The following DNASE1 variants were observed in gnomAD, a reference collection of about 807,000 sequenced individuals.
The protein encoded by DNASE1 is deoxyribonuclease 1.
In DNASE1, 40 loss-of-function variants were observed where a neutral mutation model predicts 33.9. The ratio of observed to expected loss-of-function variants is 1.18; its 90% CI spans 0.92 to 1.54. DNASE1 has a LOEUF of 1.54. DNASE1 is among the 40% of genes most tolerant of loss of function. DNASE1 has a pLI of 0.00. For synonymous variants in DNASE1, 216 were observed against 160.0 expected, an observed-to-expected ratio of 1.35 and a Z score of -2.64; for missense variants, 518 against 372.6, an observed-to-expected ratio of 1.39 and a Z score of -3.21.
rs150621329 is a variant in DNASE1, at chr16:3,656,715, G to T, written c.398G>T (p.Arg133Leu). 141 of 1,612,530 alleles carry T rather than the reference G, an allele frequency of 8.7e-5. No homozygotes were observed. Among genetic ancestry groups the T allele is most frequent in the Non-Finnish European group, 1.2e-4 (139 of 1,179,430 alleles). ...CEPCGNDTFN[R>L]EPAIVRFFSR... is the part of the protein sequence containing the mutation. The stretch of plus-strand genomic sequence containing the variant: ...CCCTGCGGGAACGACACCTTCAACC[G>T]AGAGCCAGCCATTGTCAGGTTCTTC... Residue 133 changes from arginine to leucine, a missense_variant, in exon 5 of 9, where the codon CGA becomes CTA. Transcript: ENST00000246949.
downstream of DNASE1, chr16:3,662,073 G>C (rs1053655086): frequency 2.5e-6 from 4 of 1,613,218 alleles, no homozygotes; most frequent in African/African-American, 2.7e-5. Context: ...GGAAGTGGCG[G>C]GCAGCCCCCA....
At chr16:3,654,188 C>A, upstream of DNASE1, 1 of 396,304 alleles carries the variant, frequency 2.5e-6, no homozygotes, top group Non-Finnish European at 4.4e-6. Context: ...CTGCCCTGCC[C>A]TTGTGACCTG....
chr16:3,649,317 C>T (rs1232266124), intron 1 of DNASE1, among the ~76,000 whole-genome samples: 1 of 152,210 alleles, frequency 6.6e-6, no homozygotes, highest in Non-Finnish European at 1.5e-5. Flanking sequence ...GTCCTTTTTG[C>T]ATAGGAAAGG....
exon 10 of DNASE1, chr16:3,663,820 TC>T: frequency 2.1e-6 from 1 of 481,360 alleles, no homozygotes; most frequent in Non-Finnish European, 3.7e-6. Context: ...ACGCCTGTAA[TC>T]CCAGCACTTT....
Position 3,656,993 on chromosome 16 carries a change from C to G in DNASE1, c.437-6C>G. 2 of 1,613,244 alleles carry G rather than the reference C, an allele frequency of 1.2e-6. No homozygotes were observed. The highest frequency in any genetic ancestry group is 1.7e-6 in the Non-Finnish European group (2 of 1,179,800). On this transcript the variant is annotated splice_region_variant and splice_polypyrimidine_tract_variant and intron_variant, in intron 5 of 8. Coordinates refer to ENST00000246949, the MANE Select transcript of DNASE1 (RefSeq NM_005223.4). Reference sequence around the variant, plus strand: ...TGTGCCTCACACGACGTGGCTGTCTCCACAGAGGTCAGGGAGTTTGCCATT... The same window carrying G: ...TGTGCCTCACACGACGTGGCTGTCTGCACAGAGGTCAGGGAGTTTGCCATT...
At position 3,656,677 on chromosome 16, in the gene DNASE1, T is replaced by C. The variant is rs765322819; in HGVS notation, c.360T>C (p.Asp120=). The C allele has an allele frequency of 4.3e-6, 7 of 1,613,062 alleles. No homozygotes were observed. The highest frequency in any genetic ancestry group is 3.3e-4 in the Middle Eastern group (2 of 6,082). Residue 120 remains aspartate, a synonymous_variant, in exon 5 of 9, where the codon GAT becomes GAC. Transcript: ENST00000246949. ...QVSAVDSYYY[D]DGCEPCGNDT... ...CTGCGGTGGACAGCTACTACTACGA[T>C]GATGGCTGCGAGCCCTGCGGGAACG... is the stretch of plus-strand genomic sequence containing the variant.
chr16:3,615,224 C>G (rs1000372752), intron 1 of DNASE1, among the ~76,000 whole-genome samples: 1 of 152,148 alleles, frequency 6.6e-6, no homozygotes, highest in Non-Finnish European at 1.5e-5. Context: ...ACACTGTAGG[C>G]TAAGTATAAG....
At chr16:3,632,945 T>C (rs1186133514) in intron 1 of DNASE1, among the ~76,000 whole-genome samples, 1 of 152,202 alleles carries the variant, frequency 6.6e-6, no homozygotes, top group Non-Finnish European at 1.5e-5. Flanking sequence ...TCCTGGGTCT[T>C]CTTTTAACAT....
rs780596998 is a variant in DNASE1, at chr16:3,655,377, A to T, written c.4A>T (p.Arg2Trp). Reference protein sequence around the residue: MRGMKLLGALLA... With the variant: MWGMKLLGALLA... ...CTGTGCCCTGTGCTCTCCCAGGATG[A>T]GGGGCATGAAGCTGCTGGGGGCGCT... Residue 2 changes from arginine to tryptophan, a missense_variant, in exon 2 of 9, where the codon AGG becomes TGG. Arg to Trp is a moderately radical substitution (Grantham distance 101). Coordinates refer to ENST00000246949, the MANE Select transcript of DNASE1 (RefSeq NM_005223.4). The T allele has an allele frequency of 3.7e-6, 6 of 1,613,954 alleles. No homozygotes were observed. The South Asian group carries it at 5.5e-5, about 15-fold the overall frequency.
upstream of DNASE1, chr16:3,654,418 C>A (rs2042462965): frequency 2.5e-6 from 1 of 398,632 alleles, no homozygotes; most frequent in Non-Finnish European, 4.4e-6. Flanking sequence ...GCAGGCGTGT[C>A]CTGGGCCACA....
At position 3,656,106 on chromosome 16, in the gene DNASE1, G is replaced by A. The variant is rs140530129; in HGVS notation, c.241G>A (p.Ala81Thr). ...GKLLDNLNQD[A>T]PDTYHYVVSE... ...CCTTTTGTTTCTTCAATCCAGGGATGCACCAGACACCTATCACTACGTGGT... is the reference window on the plus strand; with the variant it reads ...CCTTTTGTTTCTTCAATCCAGGGATACACCAGACACCTATCACTACGTGGT... Residue 81 changes from alanine to threonine, a missense_variant, in exon 4 of 9, where the codon GCA (alanine) becomes ACA (threonine). By Grantham distance (58) the Ala-to-Thr change is moderately conservative (BLOSUM62 0). Transcript: ENST00000246949. 16 of 1,614,078 alleles carry A rather than the reference G, an allele frequency of 9.9e-6. No homozygotes were observed. The African/African-American group carries it at 1.6e-4, about 16-fold the overall frequency.
At chr16:3,664,310 T>TG (rs1567224007) in exon 10 of DNASE1, 1 of 1,609,996 alleles carries the variant, frequency 6.2e-7, no homozygotes. Flanking sequence ...CATAGTAGGG[T>TG]GAGTGCTCTG....
rs1484033679 is a variant in DNASE1, at chr16:3,664,111, GA to G, written c.*6161del. On this transcript the variant is annotated 3_prime_UTR_variant, in exon 10 of 10. Coordinates refer to the DNASE1 transcript ENST00000407479. ...AAAACCACATGTGACCTCCAAGTGG[GA>G]AACAGCCGTCACAGTCGGTCCGGCC... 6 of 717,098 alleles carry G rather than the reference GA, an allele frequency of 8.4e-6. No homozygotes were observed. The African/African-American group carries it at 9.2e-5, about 11-fold the overall frequency. The allele number at this position is 717,098 out of a possible 1,614,324, so 44.4% of individuals were successfully genotyped here.
intron 1 of DNASE1, among the ~76,000 whole-genome samples, chr16:3,627,281 T>TG: frequency 6.6e-6 from 1 of 151,746 alleles, no homozygotes; most frequent in East Asian, 1.9e-4. Context: ...TATCCTTTTT[T>TG]TTTTTTTTTT....
At chr16:3,624,101 A>G (rs986369559) in intron 1 of DNASE1, among the ~76,000 whole-genome samples, 2 of 151,998 alleles carry the variant, frequency 1.3e-5, no homozygotes, top group Non-Finnish European at 2.9e-5. Flanking sequence ...ACATGGTGAA[A>G]CCCCGTCTCT....
upstream of DNASE1, chr16:3,640,716 G>A (rs1471928841): frequency 7.5e-6 from 3 of 398,420 alleles, no homozygotes; most frequent in Non-Finnish European, 1.3e-5. Context: ...TTCTTTTAGT[G>A]ACCACAATAT....
chr16:3,662,948 C>T (rs1274774326), downstream of DNASE1: 1 of 1,611,840 alleles, frequency 6.2e-7, no homozygotes, highest in African/African-American at 1.3e-5. Flanking sequence ...CCGTCTCCTT[C>T]TCTGATAGGC....
At chr16:3,658,865 C>G, downstream of DNASE1, 3 of 1,614,018 alleles carry the variant, frequency 1.9e-6, no homozygotes, top group Non-Finnish European at 2.5e-6. Context: ...TGAGCGCGTG[C>G]CTGCAACACA....
intron 1 of DNASE1, among the ~76,000 whole-genome samples, chr16:3,618,931 A>G (rs1246888363): frequency 6.6e-6 from 1 of 151,884 alleles, no homozygotes; most frequent in Admixed American, 6.6e-5. Context: ...ATCATGACTC[A>G]TGGCAGCCTC....
Sources: gnomAD v4.1 joint callset for allele counts (sites outside exome capture counted in the v4.1 genomes callset) on GRCh38, gnomAD v4.1.1 for gene constraint, MANE v1.5 for transcripts, NCBI Gene and HGNC (gene_info 2026-07-23, HGNC 2026-07-21) for gene names.